The following PER2 variants were observed in gnomAD, a reference collection of about 807,000 sequenced individuals.
The protein encoded by PER2 is period circadian regulator 2, also known as period circadian protein homolog 2.
A neutral mutation model predicts 121.0 loss-of-function variants in PER2; 66 were observed. The observed-to-expected ratio is 0.55, with a 90% confidence interval of 0.45 to 0.67. The LOEUF (loss-of-function observed/expected upper bound fraction) is 0.67, where lower values mean the gene tolerates loss of function less well. Among genes scored for constraint, PER2 ranks in the 30% least tolerant of loss-of-function variants. PER2 has a pLI of 0.00. For missense variants in PER2, 1,521 were observed against 1,635.0 expected, an observed-to-expected ratio of 0.93 and a Z score of 1.20; for synonymous variants, 684 against 659.9, an observed-to-expected ratio of 1.04 and a Z score of -0.56.
chr2:238,276,174 G>A (rs1178219603), intron 3 of PER2, among the ~76,000 whole-genome samples: 2 of 151,390 alleles, frequency 1.3e-5, no homozygotes, highest in Admixed American at 1.3e-4. Flanking sequence ...TCTCAGCCTC[G>A]GCTCTAGAGA....
chr2:238,263,087 T>C lies in PER2; in HGVS notation c.1047-29A>G, dbSNP rs1276264123. The C allele has an allele frequency of 8.3e-6, 11 of 1,322,354 alleles. No homozygotes were observed. In the East Asian group the frequency reaches 1.1e-4, roughly 14 times the overall value. 81.9% of individuals were successfully genotyped at this position (1,322,354 alleles called of 1,614,324 possible). Reference sequence around the variant, plus strand: ...GAAGGCAAGCAGACACACGCTAGGATTGGCATCCAAACAGATGAGGAGATT... The same window carrying C: ...GAAGGCAAGCAGACACACGCTAGGACTGGCATCCAAACAGATGAGGAGATT... On this transcript the variant is annotated intron_variant, in intron 9 of 22. Coordinates refer to ENST00000254657, the MANE Select transcript of PER2 (RefSeq NM_022817.3).
intron 1 of PER2, among the ~76,000 whole-genome samples, chr2:238,285,941 T>G (rs1024215676): frequency 6.6e-6 from 1 of 152,164 alleles, no homozygotes; most frequent in Non-Finnish European, 1.5e-5. Context: ...GAGAAAATGT[T>G]TGTCCTGCTA....
intron 1 of PER2, among the ~76,000 whole-genome samples, chr2:238,286,558 T>C (rs1574864056): frequency 1.3e-5 from 2 of 152,334 alleles, no homozygotes; most frequent in Admixed American, 1.3e-4. Flanking sequence ...TCTAGACTAA[T>C]TCTCCCTTGG....
At position 238,250,533 on chromosome 2, in the gene PER2, A is replaced by G; in HGVS notation, c.3467+18T>C. On this transcript the variant is annotated intron_variant, in intron 21 of 22. Transcript: ENST00000254657. ...CCCCATCCCTCCCCAGGTGCCTAGG[A>G]AAACGCTGGGTGGTTACCGGGAAGG... 6.3e-7 allele frequency: 1 copy of G among 1,599,110 alleles called. No homozygotes were observed. Among genetic ancestry groups the G allele is most frequent in the Non-Finnish European group, 8.5e-7 (1 of 1,169,984 alleles).
chr2:238,271,396 A>T lies in PER2; in HGVS notation c.688T>A (p.Phe230Ile). The T allele has an allele frequency of 3.7e-6, 6 of 1,614,162 alleles. No homozygotes were observed. Among genetic ancestry groups the T allele is most frequent in the Non-Finnish European group, 5.1e-6 (6 of 1,179,980 alleles). ...ACGCCCACATCGTGAGGCGCCAGGA[A>T]CTCCACAAACTTGGCATCGCTGAAG... The part of the protein sequence containing the change: ...DAFSDAKFVE[F>I]LAPHDVGVFH... The change falls in exon 6 of 23, where the codon TTC becomes ATC. Residue 230 changes from phenylalanine to isoleucine, a missense_variant. Transcript: ENST00000254657.
chr2:238,258,586 G>C lies in PER2; in HGVS notation c.1686C>G (p.Ser562Arg). 1 of 1,614,156 alleles carries C rather than the reference G, an allele frequency of 6.2e-7. No individual in the cohort carries two copies. The highest frequency in any genetic ancestry group is 8.5e-7 in the Non-Finnish European group (1 of 1,179,970). ...ACTCCTCGGGGAAGCTGACCCCCAG[G>C]CTGTCCTTTTCCATGGCAGGGACAG... ...KKAVPAMEKDSLGVSFPEELA... is the reference protein window; with the variant it reads ...KKAVPAMEKDRLGVSFPEELA... The change falls in exon 15 of 23, where the codon AGC (serine) becomes AGG (arginine). Residue 562 changes from serine (S) to arginine (R), a missense_variant. Transcript: ENST00000254657.
At chr2:238,291,442 A>G (rs1696948848), upstream of PER2, among the ~76,000 whole-genome samples, 1 of 152,240 alleles carries the variant, frequency 6.6e-6, no homozygotes, top group Non-Finnish European at 1.5e-5. Flanking sequence ...GTACCAGGCA[A>G]CTGTGCTGAT....
At chr2:238,281,716 G>T (rs933054744) in intron 1 of PER2, among the ~76,000 whole-genome samples, 4 of 152,210 alleles carry the variant, frequency 2.6e-5, no homozygotes, top group Non-Finnish European at 4.4e-5. Flanking sequence ...AAAATTAACA[G>T]GACTGATCAC....
At chr2:238,266,098 T>G (rs1448568039) in intron 8 of PER2, among the ~76,000 whole-genome samples, 2 of 151,758 alleles carry the variant, frequency 1.3e-5, no homozygotes, top group Non-Finnish European at 1.5e-5. Flanking sequence ...TGAGGTGGGG[T>G]TTCACCGTGT....
upstream of PER2, among the ~76,000 whole-genome samples, chr2:238,292,530 G>C (rs768455670): frequency 6.6e-6 from 1 of 152,198 alleles, no homozygotes; most frequent in Non-Finnish European, 1.5e-5. Context: ...AGAATGGTGA[G>C]AGTGGGCATC....
chr2:238,297,178 ACGCTCTG>A, the PER2 span, among the ~76,000 whole-genome samples: 396 of 152,226 alleles, frequency 2.6e-3, no homozygotes, highest in African/African-American at 9.2e-3. Context: ...TCCACCCCCC[ACGCTCTG>A]CGGCTGGCCA....
chr2:238,251,329 C>G (rs74001629), intron 20 of PER2, among the ~76,000 whole-genome samples: 9,237 of 152,286 alleles, frequency 0.061, 976 homozygotes, highest in African/African-American at 0.21. Context: ...TCTGGGGAGT[C>G]AGAGGGCTGG....
chr2:238,273,005 A>G, intron 5 of PER2, 65 bp downstream of exon 5: 1 of 1,541,670 alleles, frequency 6.5e-7, no homozygotes, highest in South Asian at 1.1e-5. Flanking sequence ...CGCAGTGCTG[A>G]GCTAGCTCGC....
At position 238,268,133 on chromosome 2, in the gene PER2, T is replaced by C. The variant is rs754140453; in HGVS notation, c.890A>G (p.Lys297Arg). 1.3e-5 allele frequency: 21 copies of C among 1,614,092 alleles called. No individual in the cohort carries two copies. The highest frequency in any genetic ancestry group is 1.5e-5 in the Non-Finnish European group (18 of 1,179,970). Residue 297 changes from lysine (K) to arginine (R), a missense_variant, in exon 8 of 23, where the codon AAG (lysine) becomes AGG (arginine). By Grantham distance (26) the Lys-to-Arg change is conservative. Transcript: ENST00000254657. The surrounding 1 kb of genome is among the most constrained non-coding windows in gnomAD (Gnocchi z 4.0). ...HPFRMTPYLV[K>R]VRDQQGAESQ... ...CTCAGCACCTTGTTGGTCCCGCACC[T>C]TGACCAGGTAGGGCGTCATGCGGAA...
intron 1 of PER2, among the ~76,000 whole-genome samples, chr2:238,288,030 T>G (rs1032980253): frequency 6.6e-6 from 1 of 152,116 alleles, no homozygotes; most frequent in Non-Finnish European, 1.5e-5. Flanking sequence ...GCCCTCAGGT[T>G]CCCAGGCCTG....
At chr2:238,255,422 C>T in intron 18 of PER2, 1 of 596,238 alleles carries the variant, frequency 1.7e-6, no homozygotes, top group East Asian at 2.9e-5. Context: ...TTCTTCCCAC[C>T]TCGGGCACTA....
chr2:238,248,038 A>G (rs1246881664), intron 22 of PER2, among the ~76,000 whole-genome samples: 2 of 152,322 alleles, frequency 1.3e-5, no homozygotes, highest in East Asian at 1.9e-4. Context: ...CTGGGGCCTG[A>G]TAAGTAGAGC....
rs191854000 is a variant in PER2, at chr2:238,288,109, G to C, written c.-20+240C>G. Among the ~76,000 whole-genome samples, 287 of 152,260 alleles carry C rather than the reference G, an allele frequency of 1.9e-3. 2 individuals carry two copies. Among genetic ancestry groups the C allele is most frequent in the African/African-American group, 6.5e-3 (271 of 41,556 alleles). Reference sequence around the variant, plus strand: ...GGAGACCCGTGGGTGTCCAGGAAAAGCTCCTAGATCAGCGCCCCTCCATGG... The same window carrying C: ...GGAGACCCGTGGGTGTCCAGGAAAACCTCCTAGATCAGCGCCCCTCCATGG... On this transcript the variant is annotated intron_variant, in intron 1 of 22. Transcript: ENST00000254657.
the PER2 span, among the ~76,000 whole-genome samples, chr2:238,296,022 T>C: frequency 1.2e-4 from 18 of 151,198 alleles, no homozygotes; most frequent in African/African-American, 4.1e-4. Context: ...GAGTCAGTCG[T>C]GTGCCCTCCT....
Sources: allele counts gnomAD v4.1 joint callset (sites outside exome capture counted in the v4.1 genomes callset), GRCh38; gene constraint gnomAD v4.1.1; non-coding constraint Gnocchi (gnomAD v3.1); transcripts MANE v1.5; gene names NCBI Gene and HGNC (gene_info 2026-07-23, HGNC 2026-07-21).